The following MRPL22 variants were observed in gnomAD, a reference collection of about 807,000 sequenced individuals.
MRPL22 encodes the protein mitochondrial ribosomal protein L22.
In MRPL22, 27 loss-of-function variants were observed where a neutral mutation model predicts 32.4. That is an observed-to-expected ratio of 0.83 (90% confidence interval 0.61 to 1.15). The LOEUF (loss-of-function observed/expected upper bound fraction) is 1.15, where lower values mean the gene tolerates loss of function less well. Among genes scored for constraint, MRPL22 ranks in the 50% most tolerant of loss-of-function variants. MRPL22 has a pLI of 0.00. For synonymous variants in MRPL22, 86 were observed against 87.3 expected, an observed-to-expected ratio of 0.99 and a Z score of 0.08; for missense variants, 239 against 260.2, an observed-to-expected ratio of 0.92 and a Z score of 0.56.
At chr5:154,955,688 G>A (rs1418801565) in intron 3 of MRPL22, 2 of 152,376 alleles carry the variant, frequency 1.3e-5, no homozygotes, top group African/African-American at 4.8e-5. Context: ...AATTAAACAG[G>A]ACATACCTAC....
intron 2 of MRPL22, among the ~76,000 whole-genome samples, chr5:154,942,935 C>T (rs1764439570): frequency 6.6e-6 from 1 of 152,172 alleles, no homozygotes; most frequent in Non-Finnish European, 1.5e-5. Flanking sequence ...TCCTCTATGT[C>T]ATGATACAAG....
In MRPL22 at chr5:154,967,303, T is replaced by A. The variant is rs1260066925; in HGVS notation, c.*406T>A. On this transcript the variant is annotated 3_prime_UTR_variant, in exon 7 of 7. Transcript: ENST00000523037. The surrounding 1 kb of genome is among the most constrained non-coding windows in gnomAD (Gnocchi z 4.7). ...ACCATGGGAAGTTAGAGTGGCTGCA[T>A]GTTGTTTCATTACAGTATTTTAGGG... 5.4e-6 allele frequency: 1 copy of A among 186,752 alleles called. No homozygotes were observed. The highest frequency in any genetic ancestry group is 2.4e-5 in the African/African-American group (1 of 41,878). 11.6% of individuals were successfully genotyped at this position (186,752 alleles called of 1,614,324 possible).
At chr5:154,958,066 G>A (rs1027129555) in intron 5 of MRPL22, among the ~76,000 whole-genome samples, 3 of 151,726 alleles carry the variant, frequency 2.0e-5, no homozygotes, top group Non-Finnish European at 2.9e-5. Flanking sequence ...ACAGCTGCGC[G>A]CCACCATACG....
intron 3 of MRPL22, among the ~76,000 whole-genome samples, chr5:154,951,694 G>A (rs1284931690): frequency 6.6e-6 from 1 of 151,470 alleles, no homozygotes; most frequent in Non-Finnish European, 1.5e-5. Flanking sequence ...CCGCCACGAT[G>A]ACCAGCTAAT....
rs1206277881 is a variant in MRPL22, at chr5:154,967,612, C to T, written c.*715C>T. ...ACTGAGAGAGGAATTGAACCAATCT[C>T]AGCATTGCATTCTAAAATGGGGCAG... On this transcript the variant is annotated 3_prime_UTR_variant, in exon 7 of 7. Transcript: ENST00000523037. This position sits in a 1 kb window ranked among gnomAD's most constrained non-coding sequence, Gnocchi z 4.7. 1.3e-5 allele frequency: 2 copies of T among 152,192 alleles called. No homozygotes were observed. The highest frequency in any genetic ancestry group is 3.8e-4 in the East Asian group (2 of 5,202). The allele number at this position is 152,192 out of a possible 1,614,324, so 9.4% of individuals were successfully genotyped here. A position where few individuals can be genotyped will look rare whatever the true frequency, so the allele number is the denominator to read the frequency against.
At chr5:154,953,082 G>A (rs1721133539) in intron 3 of MRPL22, among the ~76,000 whole-genome samples, 1 of 152,112 alleles carries the variant, frequency 6.6e-6, no homozygotes, top group East Asian at 1.9e-4. Context: ...GTGAAGGCTG[G>A]GTGTGGTGGT....
chr5:154,944,711 G>A (rs1294786032), intron 2 of MRPL22, among the ~76,000 whole-genome samples: 1 of 152,170 alleles, frequency 6.6e-6, no homozygotes, highest in Non-Finnish European at 1.5e-5. Flanking sequence ...AGAAAATAAA[G>A]CAGAGATTGA....
chr5:154,966,672 T>C lies in MRPL22; in HGVS notation c.410-14T>C, dbSNP rs1764770087. 2 of 1,612,798 alleles carry C rather than the reference T, an allele frequency of 1.2e-6. No individual in the cohort carries two copies. The highest frequency in any genetic ancestry group is 4.5e-5 in the East Asian group (2 of 44,880). On this transcript the variant is annotated splice_polypyrimidine_tract_variant and intron_variant, in intron 6 of 6. Transcript: ENST00000523037. ...ACACTCATTTCCTGTAATTCTCTTT[T>C]TCTTCCTGTTTAGCTGAGTCCACCT...
intron 6 of MRPL22, among the ~76,000 whole-genome samples, chr5:154,965,517 C>T (rs1213304542): frequency 1.3e-5 from 2 of 151,062 alleles, no homozygotes; most frequent in South Asian, 2.1e-4. Context: ...CTCTGCCTCT[C>T]GGGTTCAAGC....
Position 154,966,804 on chromosome 5 carries a change from C to T in MRPL22, c.528C>T (p.Pro176=), listed in dbSNP as rs1764773825. ...CHYFVKLVEG[P]PPPPEPPKTA... ...ATTTTGTGAAGTTGGTGGAAGGGCCCCCACCTCCACCTGAGCCACCAAAGA... is the reference window on the plus strand; with the variant it reads ...ATTTTGTGAAGTTGGTGGAAGGGCCTCCACCTCCACCTGAGCCACCAAAGA... The change falls in exon 7 of 7, where the codon CCC becomes CCT. Residue 176 remains proline, a synonymous_variant. Transcript: ENST00000523037. 3 of 1,614,168 alleles carry T rather than the reference C, an allele frequency of 1.9e-6. No individual in the cohort carries two copies. The highest frequency in any genetic ancestry group is 2.5e-6 in the Non-Finnish European group (3 of 1,180,032).
intron 6 of MRPL22, among the ~76,000 whole-genome samples, chr5:154,960,725 C>T (rs1400015587): frequency 1.3e-5 from 2 of 152,194 alleles, no homozygotes; most frequent in East Asian, 3.9e-4. Flanking sequence ...CAGTTATTTT[C>T]TGAGAAGGAG....
intron 2 of MRPL22, among the ~76,000 whole-genome samples, chr5:154,949,282 C>G (rs1764529261): frequency 6.6e-6 from 1 of 152,050 alleles, no homozygotes; most frequent in Non-Finnish European, 1.5e-5. Flanking sequence ...TTGGCTGAAC[C>G]TTTTCTGCTT....
At chr5:154,955,385 C>T (rs1304678454) in intron 3 of MRPL22, 3 of 152,120 alleles carry the variant, frequency 2.0e-5, no homozygotes, top group African/African-American at 7.2e-5. Flanking sequence ...TTTTCCATAA[C>T]ACATGTTTTC....
At chr5:154,944,679 T>C (rs1355248890) in intron 2 of MRPL22, among the ~76,000 whole-genome samples, 1 of 152,096 alleles carries the variant, frequency 6.6e-6, no homozygotes, top group Non-Finnish European at 1.5e-5. Flanking sequence ...TAGAGTATAT[T>C]AGATAGTGAC....
At chr5:154,960,253 T>C (rs1484900404) in intron 6 of MRPL22, among the ~76,000 whole-genome samples, 4 of 152,202 alleles carry the variant, frequency 2.6e-5, no homozygotes, top group Non-Finnish European at 1.5e-5. Context: ...ACCTGTTCTG[T>C]AGTGAGACTG....
At chr5:154,944,909 C>T (rs1027543765) in intron 2 of MRPL22, among the ~76,000 whole-genome samples, 1 of 152,118 alleles carries the variant, frequency 6.6e-6, no homozygotes, top group Non-Finnish European at 1.5e-5. Flanking sequence ...TATCTGGTGT[C>T]AGGAACAATG....
intron 2 of MRPL22, among the ~76,000 whole-genome samples, chr5:154,941,879 A>C (rs894102831): frequency 2.0e-5 from 3 of 152,226 alleles, no homozygotes; most frequent in African/African-American, 7.2e-5. Flanking sequence ...CCAAAATAAA[A>C]AATCGGTATT....
chr5:154,941,274 C>G lies in MRPL22; in HGVS notation c.77+9C>G, dbSNP rs199813162. ...GGGAAGCTGGCCTTGGGGTGAGTCT[C>G]TCGCTTCGGAGTTTCGGAAGGGCCC... On this transcript the variant is annotated intron_variant, in intron 2 of 6. Transcript: ENST00000523037. 1.9e-5 allele frequency: 31 copies of G among 1,612,776 alleles called. No individual in the cohort carries two copies. The highest frequency in any genetic ancestry group is 1.1e-4 in the African/African-American group (8 of 74,982).
chr5:154,961,517 T>A (rs1023720450), intron 6 of MRPL22, among the ~76,000 whole-genome samples: 1 of 152,244 alleles, frequency 6.6e-6, no homozygotes, highest in African/African-American at 2.4e-5. Flanking sequence ...GAAATATGAT[T>A]TGTCTTTAAG....
Sources: gnomAD v4.1 joint callset for allele counts (sites outside exome capture counted in the v4.1 genomes callset) on GRCh38, gnomAD v4.1.1 for gene constraint, Gnocchi (gnomAD v3.1) non-coding constraint, MANE v1.5 for transcripts, NCBI Gene and HGNC (gene_info 2026-07-23, HGNC 2026-07-21) for gene names.